Variants in DYSF observed in about 807,000 individuals in gnomAD.
The protein encoded by DYSF is dystrophy-associated fer-1-like 1.
A neutral mutation model predicts 274.9 loss-of-function variants in DYSF; 212 were observed. The ratio of observed to expected loss-of-function variants is 0.77; its 90% confidence interval spans 0.69 to 0.86. The LOEUF is 0.86. Among genes scored for constraint, DYSF ranks in the 40% least tolerant of loss-of-function variants. The probability of loss-of-function intolerance (pLI) is 0.00; values close to 1 mark genes in which losing one functional copy is unlikely to be tolerated. For synonymous variants in DYSF, 1,091 were observed against 1,078.7 expected (o/e 1.01, Z -0.22); for missense variants, 2,666 against 2,783.2 (o/e 0.96, Z 0.95).
Position 71,606,487 on chromosome 2 carries a change from A to G in DYSF, c.3957+3682A>G, listed in dbSNP as rs114722418. Among the ~76,000 whole-genome samples, 837 of 152,192 alleles carry G rather than the reference A, an allele frequency of 5.5e-3. 9 individuals are homozygous for G. Among genetic ancestry groups the G allele is most frequent in the African/African-American group, 0.019 (782 of 41,530 alleles). On this transcript the variant is annotated intron_variant, in intron 36 of 55. Coordinates refer to ENST00000410020, the MANE Select transcript of DYSF (RefSeq NM_001130987.2). ...GCCCAGCAGTGCTGAGAGGCTTCCC[A>G]GTTGCAGTGAGGGTCGCAGCACCCT...
chr2:71,574,717 G>T (rs1004287538), intron 30 of DYSF, among the ~76,000 whole-genome samples: 12 of 152,218 alleles, frequency 7.9e-5, no homozygotes, highest in African/African-American at 2.9e-4. Flanking sequence ...TGGGAGGAGT[G>T]AGAGAGTTCT....
chr2:71,503,347 T>G, intron 4 of DYSF, 28 bp downstream of exon 4: 1 of 1,611,650 alleles, frequency 6.2e-7, no homozygotes, highest in African/African-American at 1.3e-5. Context: ...TCTGCCAGGT[T>G]AAGGTCCAAG....
intron 1 of DYSF, among the ~76,000 whole-genome samples, chr2:71,454,685 C>A (rs1356693535): frequency 2.0e-5 from 3 of 152,228 alleles, no homozygotes; most frequent in Non-Finnish European, 4.4e-5. Flanking sequence ...ACCCCTGCCC[C>A]CAACGGACCA....
At chr2:71,476,584 G>C (rs542668261) in intron 1 of DYSF, among the ~76,000 whole-genome samples, 2 of 151,408 alleles carry the variant, frequency 1.3e-5, no homozygotes, top group Admixed American at 6.6e-5. Context: ...TGTGCTTCTT[G>C]TTGTGTTTTT....
chr2:71,572,270 A>G (rs2092535763), intron 29 of DYSF, among the ~76,000 whole-genome samples: 1 of 119,406 alleles, frequency 8.4e-6, no homozygotes, highest in Admixed American at 8.6e-5. Flanking sequence ...GATCACAACC[A>G]GCACAGATCA....
At position 71,612,548 on chromosome 2, in the gene DYSF, C is replaced by T. The variant is rs923783081; in HGVS notation, c.4222-93C>T. 1.5e-5 allele frequency: 23 copies of T among 1,561,902 alleles called. No individual in the cohort carries two copies. The South Asian group carries it at 2.4e-4, about 16-fold the overall frequency. ...TTGGATTTCTGGCTGTGGGGATTATCTGCGGTTTATAGTCATTTTCTGCTC... is the reference window on the plus strand; with the variant it reads ...TTGGATTTCTGGCTGTGGGGATTATTTGCGGTTTATAGTCATTTTCTGCTC... On this transcript the variant is annotated intron_variant, in intron 38 of 55. Transcript: ENST00000410020.
chr2:71,643,665 C>G (rs2094521547), intron 41 of DYSF, among the ~76,000 whole-genome samples: 1 of 152,194 alleles, frequency 6.6e-6, no homozygotes, highest in Non-Finnish European at 1.5e-5. Context: ...TGCTTATGCC[C>G]ACTTCACAGA....
upstream of DYSF, among the ~76,000 whole-genome samples, chr2:71,463,044 C>A (rs955252979): frequency 1.3e-5 from 2 of 152,204 alleles, no homozygotes; most frequent in African/African-American, 4.8e-5. Flanking sequence ...ACTGAGGACC[C>A]ACCCCTTTCT....
intron 17 of DYSF, among the ~76,000 whole-genome samples, chr2:71,542,857 A>G (rs921810020): frequency 5.9e-5 from 9 of 152,250 alleles, no homozygotes; most frequent in Admixed American, 5.9e-4. Context: ...CGCCATCATC[A>G]TCATGGCCCG....
At chr2:71,618,367 GGTGGCATGT>G (rs2093979394) in intron 40 of DYSF, among the ~76,000 whole-genome samples, 2 of 20,426 alleles carry the variant, frequency 9.8e-5, no homozygotes, top group African/African-American at 2.3e-4. Context: ...GTGTGGTAGA[GGTGGCATGT>G]GTGGTAGAGG....
Position 71,568,095 on chromosome 2 carries a change from C to T in DYSF, c.2697+13C>T. The T allele has an allele frequency of 1.2e-6, 2 of 1,614,168 alleles. No individual in the cohort carries two copies. On this transcript the variant is annotated intron_variant, in intron 25 of 55. Transcript: ENST00000410020. The stretch of plus-strand genomic sequence containing the variant: ...CTTTGCTGAAACCGTGAGTACCTGC[C>T]AGCCCCCACCTCTGCCTCCCACTAC...
chr2:71,661,188 T>A (rs2094875246), intron 45 of DYSF, among the ~76,000 whole-genome samples: 1 of 149,796 alleles, frequency 6.7e-6, no homozygotes, highest in Non-Finnish European at 1.5e-5. Flanking sequence ...CATTTGCTAA[T>A]TCTTTTTTTT....
chr2:71,595,610 G>A (rs555072923), intron 32 of DYSF, among the ~76,000 whole-genome samples: 1 of 152,346 alleles, frequency 6.6e-6, no homozygotes, highest in East Asian at 1.9e-4. Flanking sequence ...ACAGCCTGGT[G>A]CAGGGCTCTG....
intron 3 of DYSF, among the ~76,000 whole-genome samples, chr2:71,482,547 G>T (rs1170861225): frequency 6.6e-6 from 1 of 152,096 alleles, no homozygotes; most frequent in African/African-American, 2.4e-5. Context: ...GTTTCTTGGT[G>T]GGGGGATCAA....
At chr2:71,602,552 C>T in intron 35 of DYSF, 1 of 526,294 alleles carries the variant, frequency 1.9e-6, no homozygotes, top group Non-Finnish European at 3.5e-6. Flanking sequence ...CACTGACATC[C>T]ATCACACCTT....
intron 22 of DYSF, among the ~76,000 whole-genome samples, chr2:71,558,562 C>A (rs550257947): frequency 2.7e-4 from 41 of 152,190 alleles, no homozygotes; most frequent in Non-Finnish European, 8.8e-5. Flanking sequence ...ACATGACCCC[C>A]GTGTTGTTTG....
intron 3 of DYSF, among the ~76,000 whole-genome samples, chr2:71,491,132 A>AT (rs2083818596): frequency 6.6e-6 from 1 of 152,192 alleles, no homozygotes; most frequent in African/African-American, 2.4e-5. Context: ...AAAAGTTGTA[A>AT]TTTGTGTTTC....
At chr2:71,559,080 C>G (rs184686466) in intron 22 of DYSF, among the ~76,000 whole-genome samples, 1 of 152,292 alleles carries the variant, frequency 6.6e-6, no homozygotes, top group South Asian at 2.1e-4. Context: ...GCCCTTTTCC[C>G]GGCTCATCTT....
chr2:71,468,028 G>A (rs1444453396), intron 1 of DYSF, among the ~76,000 whole-genome samples: 1 of 152,184 alleles, frequency 6.6e-6, no homozygotes, highest in African/African-American at 2.4e-5. Context: ...TTTGCTGTGG[G>A]ACAAGTTATA....
Sources: gnomAD v4.1 joint callset for allele counts (sites outside exome capture counted in the v4.1 genomes callset) on GRCh38, gnomAD v4.1.1 for gene constraint, MANE v1.5 for transcripts, NCBI Gene and HGNC (gene_info 2026-07-23, HGNC 2026-07-21) for gene names.